The following GALNTL6 variants were observed in gnomAD, a reference collection of about 807,000 sequenced individuals.
GALNTL6 encodes polypeptide N-acetylgalactosaminyltransferase like 6.
Under a neutral mutation model 73.7 loss-of-function variants are expected in GALNTL6, and 46 were observed. The ratio of observed to expected loss-of-function variants is 0.62; its 90% CI spans 0.49 to 0.80. The LOEUF (loss-of-function observed/expected upper bound fraction) is 0.80, where lower values mean the gene tolerates loss of function less well. Among genes scored for constraint, GALNTL6 ranks in the 30% least tolerant of loss-of-function variants. The pLI, the probability that GALNTL6 is intolerant of heterozygous loss-of-function variation, is 0.00. For synonymous variants in GALNTL6, 259 were observed against 263.7 expected, an observed-to-expected ratio of 0.98 and a Z score of 0.17; for missense variants, 604 against 755.0, an observed-to-expected ratio of 0.80 and a Z score of 2.34.
At chr4:172,578,197 T>TA (rs924616399) in intron 5 of GALNTL6, among the ~76,000 whole-genome samples, 7 of 152,234 alleles carry the variant, frequency 4.6e-5, no homozygotes, top group East Asian at 1.9e-4. Context: ...TATCTTTCAT[T>TA]AAAAAAAATT....
At chr4:172,992,203 C>T (rs115762364) in intron 10 of GALNTL6, among the ~76,000 whole-genome samples, 2,532 of 152,268 alleles carry the variant, frequency 0.017, 37 homozygotes, top group Admixed American at 0.027. Context: ...CTGACTCTTT[C>T]CAACTAGCTA....
chr4:172,336,579 T>G (rs201007472), intron 4 of GALNTL6, among the ~76,000 whole-genome samples: 1 of 152,034 alleles, frequency 6.6e-6, no homozygotes, highest in Non-Finnish European at 1.5e-5. Flanking sequence ...CAGCCTAGAT[T>G]TCTATTTTTA....
At chr4:172,433,896 G>C (rs17058464) in intron 5 of GALNTL6, among the ~76,000 whole-genome samples, 5,105 of 152,088 alleles carry the variant, frequency 0.034, 329 homozygotes, top group East Asian at 0.31. Flanking sequence ...ACACAGGTTT[G>C]TAACACTTTT....
At chr4:172,898,203 A>G (rs1483736147) in intron 8 of GALNTL6, among the ~76,000 whole-genome samples, 1 of 151,996 alleles carries the variant, frequency 6.6e-6, no homozygotes, top group Non-Finnish European at 1.5e-5. Flanking sequence ...TCTTCTTCAT[A>G]TGTCTCATAT....
At chr4:172,829,988 C>T (rs904757361) in intron 7 of GALNTL6, among the ~76,000 whole-genome samples, 26 of 152,266 alleles carry the variant, frequency 1.7e-4, no homozygotes, top group African/African-American at 6.3e-4. Context: ...CATAAGTATA[C>T]ATATATCTAG....
intron 2 of GALNTL6, among the ~76,000 whole-genome samples, chr4:171,854,420 T>C (rs1735621960): frequency 6.6e-6 from 1 of 152,240 alleles, no homozygotes; most frequent in African/African-American, 2.4e-5. Context: ...TCAATTTCCA[T>C]GCATCAACAT....
intron 5 of GALNTL6, among the ~76,000 whole-genome samples, chr4:172,378,083 C>G (rs895215256): frequency 6.6e-6 from 1 of 152,184 alleles, no homozygotes; most frequent in Non-Finnish European, 1.5e-5. Flanking sequence ...GCTGCCAGCA[C>G]GTTGTCACCT....
chr4:172,024,958 G>C (rs1217852508), intron 2 of GALNTL6, among the ~76,000 whole-genome samples: 3 of 151,448 alleles, frequency 2.0e-5, no homozygotes, highest in Non-Finnish European at 4.4e-5. Flanking sequence ...AAAAGTCTAA[G>C]AACAAAATAT....
At chr4:172,384,017 T>C (rs1743377683) in intron 5 of GALNTL6, among the ~76,000 whole-genome samples, 2 of 152,138 alleles carry the variant, frequency 1.3e-5, no homozygotes, top group Non-Finnish European at 1.5e-5. Context: ...TGTTAGTATT[T>C]TGTTGAGGAT....
chr4:171,967,458 T>G (rs868401304), intron 2 of GALNTL6, among the ~76,000 whole-genome samples: 3,564 of 150,552 alleles, frequency 0.024, 210 homozygotes, highest in African/African-American at 0.082. Flanking sequence ...TTTTTTTTTT[T>G]TTTTTTTGTA....
chr4:172,713,454 A>C (rs1734850875), intron 5 of GALNTL6, among the ~76,000 whole-genome samples: 1 of 151,886 alleles, frequency 6.6e-6, no homozygotes, highest in Non-Finnish European at 1.5e-5. Context: ...TCTTTTATTC[A>C]ACTTAGGCCT....
chr4:172,816,541 C>T (rs1451020139), intron 7 of GALNTL6, among the ~76,000 whole-genome samples: 1 of 152,028 alleles, frequency 6.6e-6, no homozygotes, highest in Non-Finnish European at 1.5e-5. Context: ...ATATATGAAC[C>T]TGATGTGGTA....
intron 5 of GALNTL6, among the ~76,000 whole-genome samples, chr4:172,535,527 A>T (rs747003344): frequency 2.6e-5 from 4 of 152,218 alleles, no homozygotes; most frequent in Non-Finnish European, 5.9e-5. Flanking sequence ...TCAAAAGATT[A>T]TTTTTCATCA....
chr4:172,191,495 C>G (rs1735583701), intron 2 of GALNTL6, among the ~76,000 whole-genome samples: 1 of 152,102 alleles, frequency 6.6e-6, no homozygotes, highest in Non-Finnish European at 1.5e-5. Flanking sequence ...AAGCCCAAAC[C>G]CCTCAGCTAC....
At chr4:172,629,045 A>T (rs907835109) in intron 5 of GALNTL6, among the ~76,000 whole-genome samples, 1 of 152,138 alleles carries the variant, frequency 6.6e-6, no homozygotes, top group African/African-American at 2.4e-5. Flanking sequence ...CCAAATCCTT[A>T]TCTAAACACA....
chr4:172,115,942 A>G (rs976446125), intron 2 of GALNTL6, among the ~76,000 whole-genome samples: 6 of 152,052 alleles, frequency 3.9e-5, no homozygotes, highest in Admixed American at 2.6e-4. Flanking sequence ...GCCTCTAAAT[A>G]TTTAGCTCTT....
chr4:172,730,406 A>C (rs1018227091), intron 5 of GALNTL6, among the ~76,000 whole-genome samples: 3 of 152,124 alleles, frequency 2.0e-5, no homozygotes, highest in Non-Finnish European at 4.4e-5. Context: ...ATATGTTCCT[A>C]CTGTACACAT....
At chr4:172,149,553 T>A (rs927501296) in intron 2 of GALNTL6, among the ~76,000 whole-genome samples, 4 of 152,152 alleles carry the variant, frequency 2.6e-5, no homozygotes, top group Non-Finnish European at 5.9e-5. Context: ...CTGCTCCTGC[T>A]TATCTCTGGG....
intron 2 of GALNTL6, among the ~76,000 whole-genome samples, chr4:172,119,654 A>G (rs920172745): frequency 6.6e-6 from 1 of 151,776 alleles, no homozygotes; most frequent in African/African-American, 2.4e-5. Flanking sequence ...TTTGCAGACC[A>G]TAAAGTCTCT....
Sources: gnomAD v4.1 joint callset for allele counts (sites outside exome capture counted in the v4.1 genomes callset) on GRCh38, gnomAD v4.1.1 for gene constraint, MANE v1.5 for transcripts, NCBI Gene and HGNC (gene_info 2026-07-23, HGNC 2026-07-21) for gene names.